Variants in PARD3 observed in about 807,000 individuals in gnomAD.
The protein encoded by PARD3 is partitioning defective 3 homolog.
A neutral mutation model predicts 155.4 loss-of-function variants in PARD3; 75 were observed. The ratio of observed to expected loss-of-function variants is 0.48; its 90% CI spans 0.40 to 0.58. The LOEUF (loss-of-function observed/expected upper bound fraction) is 0.58, where lower values mean the gene tolerates loss of function less well. PARD3 is among the 20% of genes least tolerant of loss of function. The pLI, the probability that PARD3 is intolerant of heterozygous loss-of-function variation, is 0.00. For synonymous variants in PARD3, 576 were observed against 610.5 expected (o/e 0.94, Z 0.83); for missense variants, 1,642 against 1,721.7 (o/e 0.95, Z 0.82).
At chr10:34,281,029 T>A (rs1956131635) in intron 21 of PARD3, among the ~76,000 whole-genome samples, 6 of 152,168 alleles carry the variant, frequency 3.9e-5, no homozygotes, top group Admixed American at 3.9e-4. Flanking sequence ...TAAAAATACA[T>A]GGAGGTATCA....
chr10:34,584,561 G>A (rs1456120266), intron 2 of PARD3, among the ~76,000 whole-genome samples: 1 of 152,160 alleles, frequency 6.6e-6, no homozygotes, highest in Non-Finnish European at 1.5e-5. Context: ...GAGGTACATG[G>A]TGTCCAACTA....
chr10:34,281,137 C>T (rs1244875710), intron 21 of PARD3, among the ~76,000 whole-genome samples: 5 of 152,066 alleles, frequency 3.3e-5, no homozygotes, highest in Admixed American at 6.6e-5. Context: ...CCTGAAGTTA[C>T]GTAGATCACT....
In PARD3 at chr10:34,385,301, T is replaced by A. The variant is rs189511049; in HGVS notation, c.891-1047A>T. On this transcript the variant is annotated intron_variant, in intron 7 of 24. Transcript: ENST00000374788. The stretch of plus-strand genomic sequence containing the variant: ...GGCATGCGCCACCATGCCCAGCTAA[T>A]TTTTTTGTATTTTTAGTAGAGCTGG... 3.0e-3 allele frequency among the ~76,000 whole-genome samples: 453 copies of A among 151,128 alleles called. 2 individuals carry two copies. Among genetic ancestry groups the A allele is most frequent in the African/African-American group, 0.011 (428 of 40,614 alleles).
At chr10:34,156,437 T>C (rs972107769) in intron 22 of PARD3, among the ~76,000 whole-genome samples, 9 of 152,132 alleles carry the variant, frequency 5.9e-5, no homozygotes, top group African/African-American at 2.2e-4. Flanking sequence ...GTGTTCTAGA[T>C]TTTGCTGAAC....
intron 20 of PARD3, among the ~76,000 whole-genome samples, chr10:34,315,325 C>T (rs1957943458): frequency 6.6e-6 from 1 of 152,150 alleles, no homozygotes; most frequent in African/African-American, 2.4e-5. Context: ...GCCTTTCTTT[C>T]TTCTGGAGTT....
At chr10:34,543,129 A>AG (rs1564827044) in intron 2 of PARD3, among the ~76,000 whole-genome samples, 1 of 151,944 alleles carries the variant, frequency 6.6e-6, no homozygotes, top group African/African-American at 2.4e-5. Flanking sequence ...GGGGAAAAAA[A>AG]AGCAATTAGC....
chr10:34,532,027 A>C (rs1402608167), intron 2 of PARD3, among the ~76,000 whole-genome samples: 2 of 152,204 alleles, frequency 1.3e-5, no homozygotes, highest in Non-Finnish European at 2.9e-5. Flanking sequence ...ATAGTAGTGC[A>C]GTCTGTGCTA....
intron 24 of PARD3, among the ~76,000 whole-genome samples, chr10:34,116,152 T>A (rs960307349): frequency 2.0e-5 from 3 of 152,260 alleles, no homozygotes; most frequent in Admixed American, 6.5e-5. Context: ...GTGTTTCTCA[T>A]TGACATGCCA....
chr10:34,414,420 T>C (rs545690800), intron 5 of PARD3, among the ~76,000 whole-genome samples: 3 of 152,148 alleles, frequency 2.0e-5, no homozygotes, highest in South Asian at 2.1e-4. Context: ...CAGTCGGCCT[T>C]GCAACTTGGA....
chr10:34,692,088 C>T (rs1247499176), intron 2 of PARD3, among the ~76,000 whole-genome samples: 1 of 149,136 alleles, frequency 6.7e-6, no homozygotes, highest in Non-Finnish European at 1.5e-5. Flanking sequence ...AAAAATTAGC[C>T]AGGCATGGTG....
intron 22 of PARD3, among the ~76,000 whole-genome samples, chr10:34,240,656 A>T (rs1564511194): frequency 6.6e-6 from 1 of 152,124 alleles, no homozygotes; most frequent in Non-Finnish European, 1.5e-5. Context: ...AATAAGAAAC[A>T]GGAAGCACCA....
intron 2 of PARD3, among the ~76,000 whole-genome samples, chr10:34,644,504 T>G (rs1295036485): frequency 6.6e-6 from 1 of 152,238 alleles, no homozygotes; most frequent in Non-Finnish European, 1.5e-5. Context: ...GGATTTGTGC[T>G]CAAGGTTTCA....
intron 2 of PARD3, among the ~76,000 whole-genome samples, chr10:34,613,284 G>A (rs1652324994): frequency 1.3e-5 from 2 of 152,180 alleles, no homozygotes; most frequent in South Asian, 4.2e-4. Flanking sequence ...CACACACACT[G>A]ACCACCTGCT....
chr10:34,156,617 C>A lies in PARD3; in HGVS notation c.3420-25034G>T, dbSNP rs148601913. On this transcript the variant is annotated intron_variant, in intron 22 of 24. Coordinates refer to ENST00000374788, the MANE Select transcript of PARD3 (RefSeq NM_001184785.2). The stretch of plus-strand genomic sequence containing the variant: ...CACAAGAAAACTCGGAAGCGATGAA[C>A]AAGAGTCACCACTTCACTTGCATGA... Among the ~76,000 whole-genome samples, 292 of 152,288 alleles carry A rather than the reference C, an allele frequency of 1.9e-3. 3 individuals are homozygous for A. Among genetic ancestry groups the A allele is most frequent in the African/African-American group, 6.6e-3 (274 of 41,564 alleles).
chr10:34,780,058 G>A (rs964012537), intron 1 of PARD3, among the ~76,000 whole-genome samples: 4 of 152,058 alleles, frequency 2.6e-5, no homozygotes, highest in Non-Finnish European at 4.4e-5. Flanking sequence ...TTCTTTCCCC[G>A]GAAGATGCAT....
chr10:34,696,426 G>A lies in PARD3; in HGVS notation c.121-7C>T, dbSNP rs202208769. ...GTATCCAGTAGTTTGGATCCTATACGAAAGAACAGAAACACTGAATATAGC... is the reference window on the plus strand; with the variant it reads ...GTATCCAGTAGTTTGGATCCTATACAAAAGAACAGAAACACTGAATATAGC... On this transcript the variant is annotated splice_region_variant and splice_polypyrimidine_tract_variant and intron_variant, in intron 1 of 24. Transcript: ENST00000374788. The A allele has an allele frequency of 7.2e-6, 11 of 1,528,288 alleles. No homozygotes were observed. The highest frequency in any genetic ancestry group is 2.7e-5 in the African/African-American group (2 of 73,132). The allele number at this position is 1,528,288 out of a possible 1,614,324, so 94.7% of individuals were successfully genotyped here. A position where few individuals can be genotyped will look rare whatever the true frequency, so the allele number is the denominator to read the frequency against.
At chr10:34,226,970 T>C (rs76144190) in intron 22 of PARD3, among the ~76,000 whole-genome samples, 3,467 of 152,300 alleles carry the variant, frequency 0.023, 129 homozygotes, top group African/African-American at 0.079. Flanking sequence ...TGGCAAAGAT[T>C]TCACGAAGAA....
rs117446821 is a variant in PARD3 at position 34,757,129 on chromosome 10, T to G, written c.120+57747A>C. Among the ~76,000 whole-genome samples the G allele has an allele frequency of 7.9e-5, 12 of 152,352 alleles. No homozygotes were observed. In the East Asian group the frequency reaches 2.3e-3, roughly 29 times the overall value. On this transcript the variant is annotated intron_variant, in intron 1 of 24. Coordinates refer to ENST00000374788, the MANE Select transcript of PARD3 (RefSeq NM_001184785.2). The stretch of plus-strand genomic sequence containing the variant: ...GTCTATGACAGCATTTTGCATCTTT[T>G]TCTTTACTTAGAGCCTTCATTTATA...
intron 7 of PARD3, among the ~76,000 whole-genome samples, chr10:34,387,354 T>C (rs115467033): frequency 5.8e-4 from 88 of 152,294 alleles, no homozygotes; most frequent in African/African-American, 2.0e-3. Flanking sequence ...TATGAAACTA[T>C]CTTGGATACA....
Sources: gnomAD v4.1 joint callset for allele counts (sites outside exome capture counted in the v4.1 genomes callset) on GRCh38, gnomAD v4.1.1 for gene constraint, MANE v1.5 for transcripts, NCBI Gene and HGNC (gene_info 2026-07-23, HGNC 2026-07-21) for gene names.